The following YARS1 variants were observed in gnomAD, a reference collection of about 807,000 sequenced individuals.
The protein encoded by YARS1 is tyrosine--tRNA ligase, cytoplasmic.
In YARS1, 36 loss-of-function variants were observed where a neutral mutation model predicts 62.2. The observed-to-expected ratio is 0.58, with a 90% CI of 0.44 to 0.76. The LOEUF is 0.76. Ranked by LOEUF, YARS1 falls within the 30% of genes least tolerant of loss-of-function variation. The probability of loss-of-function intolerance (pLI) is 0.00; values close to 1 mark genes in which losing one functional copy is unlikely to be tolerated. For synonymous variants in YARS1, 234 were observed against 244.9 expected (o/e 0.96, Z 0.42); for missense variants, 524 against 639.8 (o/e 0.82, Z 1.95).
At chr1:32,784,826 G>A (rs1208689637) in intron 8 of YARS1, among the ~76,000 whole-genome samples, 2 of 152,126 alleles carry the variant, frequency 1.3e-5, no homozygotes, top group African/African-American at 2.4e-5. Context: ...CTACTGGACT[G>A]AGCATTAGGA....
chr1:32,784,715 C>T lies in YARS1; in HGVS notation c.906+1647G>A, dbSNP rs1332879919. 2.0e-5 allele frequency among the ~76,000 whole-genome samples: 3 copies of T among 152,186 alleles called. No individual in the cohort carries two copies. In the South Asian group the frequency reaches 6.2e-4, roughly 32 times the overall value. ...ATATATTCACATATATATTTTCACA[C>T]ATATATTCACATATATACACACATA... On this transcript the variant is annotated intron_variant, in intron 8 of 12. Coordinates refer to ENST00000373477, the MANE Select transcript of YARS1 (RefSeq NM_003680.4).
At chr1:32,816,976 G>C (rs988560476) in intron 1 of YARS1, 5 of 633,290 alleles carry the variant, frequency 7.9e-6, no homozygotes, top group South Asian at 7.4e-5. Context: ...ACAACTGGAC[G>C]CAAGAGGTGA....
At chr1:32,784,550 T>C (rs1653159637) in intron 8 of YARS1, among the ~76,000 whole-genome samples, 1 of 152,116 alleles carries the variant, frequency 6.6e-6, no homozygotes, top group African/African-American at 2.4e-5. Context: ...GTACAACTTA[T>C]TCCCTCACAG....
chr1:32,791,062 A>G, intron 6 of YARS1, 100 bp downstream of exon 6: 2 of 1,120,808 alleles, frequency 1.8e-6, no homozygotes, highest in South Asian at 2.5e-5. Flanking sequence ...TAACTCAAAT[A>G]TTGGAGAATT....
intron 6 of YARS1, among the ~76,000 whole-genome samples, chr1:32,789,883 C>A (rs1427566006): frequency 6.7e-6 from 1 of 149,130 alleles, no homozygotes; most frequent in Admixed American, 6.7e-5. Flanking sequence ...AGCCACTGTG[C>A]CTGGCCCTTT....
rs754708654 is a variant in YARS1 at position 32,811,015 on chromosome 1, G to A, written c.100C>T (p.Arg34Trp). 8.1e-6 allele frequency: 13 copies of A among 1,614,070 alleles called. No homozygotes were observed. The highest frequency in any genetic ancestry group is 3.3e-5 in the South Asian group (3 of 91,074). Reference sequence around the variant, plus strand: ...GTTCCCCAGTAAATTTTAAGTTCCCGCTCCTTCAGTATCTCCTTCAGCTTC... The same window carrying A: ...GTTCCCCAGTAAATTTTAAGTTCCCACTCCTTCAGTATCTCCTTCAGCTTC... ...EEKLKEILKE[R>W]ELKIYWGTAT... The change falls in exon 2 of 13, where the codon CGG becomes TGG. Residue 34 changes from arginine (R) to tryptophan (W), a missense_variant. Arg to Trp is a moderately radical substitution (Grantham distance 101). Transcript: ENST00000373477.
In YARS1 at chr1:32,782,301, C is replaced by T. The variant is rs1653085258; in HGVS notation, c.1042+103G>A. On this transcript the variant is annotated intron_variant, in intron 9 of 12. Coordinates refer to ENST00000373477, the MANE Select transcript of YARS1 (RefSeq NM_003680.4). ...GGACATGACATTCCTGCACTTCAGA[C>T]CCCCTGGGTTGTTGTGCCCTCAATT... The T allele has an allele frequency of 1.9e-6, 3 of 1,592,722 alleles. No homozygotes were observed. In the African/African-American group the frequency reaches 4.0e-5, roughly 21 times the overall value.
chr1:32,787,051 G>C lies in YARS1; in HGVS notation c.709C>G (p.Arg237Gly), dbSNP rs1385295171. ...EEESKIDLLDRKEDVKKKLKK... is the reference protein window; with the variant it reads ...EEESKIDLLDGKEDVKKKLKK... ...AGTTTTTTCTTCACATCCTCCTTCC[G>C]ATCAAGGAGATCAATCTTGGACTCC... The change falls in exon 7 of 13, where the codon CGG (arginine) becomes GGG (glycine). Residue 237 changes from arginine to glycine, a missense_variant. Arg to Gly is a moderately radical substitution (Grantham distance 125). Transcript: ENST00000373477. The C allele has an allele frequency of 1.9e-6, 3 of 1,614,126 alleles. No individual in the cohort carries two copies. Among genetic ancestry groups the C allele is most frequent in the Non-Finnish European group, 2.5e-6 (3 of 1,180,018 alleles).
chr1:32,808,760 C>G (rs1486959537), intron 3 of YARS1, among the ~76,000 whole-genome samples: 1 of 152,214 alleles, frequency 6.6e-6, no homozygotes, highest in African/African-American at 2.4e-5. Context: ...GCTTCCCTAA[C>G]CAACTCATTC....
In YARS1 at chr1:32,775,976, G is replaced by T. The variant is rs1452443769; in HGVS notation, c.*5C>A. 1.2e-6 allele frequency: 2 copies of T among 1,609,632 alleles called. No homozygotes were observed. The highest frequency in any genetic ancestry group is 2.2e-5 in the East Asian group (1 of 44,860). On this transcript the variant is annotated 3_prime_UTR_variant, in exon 13 of 13. Coordinates refer to ENST00000373477, the MANE Select transcript of YARS1 (RefSeq NM_003680.4). Reference sequence around the variant, plus strand: ...GTGGAAGAAGGGGGGAAGATGCTGGGCTGGCTAGCTAATGTTCCCCCCTTT... The same window carrying T: ...GTGGAAGAAGGGGGGAAGATGCTGGTCTGGCTAGCTAATGTTCCCCCCTTT...
intron 1 of YARS1, among the ~76,000 whole-genome samples, chr1:32,815,370 A>G (rs1463668618): frequency 6.6e-6 from 1 of 152,132 alleles, no homozygotes; most frequent in Non-Finnish European, 1.5e-5. Flanking sequence ...TCCCCAAAAC[A>G]AAAAACCCAA....
At chr1:32,790,181 C>CTTTTTTTTTTTTTT (rs750131866) in intron 6 of YARS1, among the ~76,000 whole-genome samples, 3 of 115,386 alleles carry the variant, frequency 2.6e-5, no homozygotes, top group Admixed American at 1.8e-4. Context: ...CCACGCAGGC[C>CTTTTTTTTTTTTTT]TTTTTTTTTT....
At chr1:32,785,890 C>T (rs74319398) in intron 8 of YARS1, among the ~76,000 whole-genome samples, 47 of 146,436 alleles carry the variant, frequency 3.2e-4, no homozygotes, top group South Asian at 4.4e-4. Context: ...AGCCCATTTT[C>T]TTTTTTTTTT....
chr1:32,801,761 T>G (rs1160427619), intron 4 of YARS1, among the ~76,000 whole-genome samples: 4 of 152,170 alleles, frequency 2.6e-5, no homozygotes, highest in Non-Finnish European at 5.9e-5. Context: ...ATATTCAAAA[T>G]CTTTTGTTGC....
At chr1:32,787,622 G>A (rs574398058) in intron 6 of YARS1, among the ~76,000 whole-genome samples, 7 of 151,138 alleles carry the variant, frequency 4.6e-5, no homozygotes, top group African/African-American at 1.7e-4. Flanking sequence ...CCATTCTCCC[G>A]CCTCAGCCTC....
chr1:32,784,008 C>CTTTT, intron 8 of YARS1, among the ~76,000 whole-genome samples: 1 of 142,070 alleles, frequency 7.0e-6, no homozygotes. Context: ...CCACAAAAGA[C>CTTTT]TTTTTTTTTT....
At chr1:32,784,007 A>C (rs1451765488) in intron 8 of YARS1, among the ~76,000 whole-genome samples, 1 of 145,866 alleles carries the variant, frequency 6.9e-6, no homozygotes, top group African/African-American at 2.5e-5. Flanking sequence ...CCCACAAAAG[A>C]CTTTTTTTTT....
chr1:32,783,194 A>G (rs1653116127), intron 8 of YARS1: 1 of 153,658 alleles, frequency 6.5e-6, no homozygotes, highest in Non-Finnish European at 1.4e-5. Flanking sequence ...AGCTAACAAC[A>G]GCTATATCTC....
At chr1:32,795,224 C>T (rs955838429) in intron 5 of YARS1, among the ~76,000 whole-genome samples, 1 of 151,460 alleles carries the variant, frequency 6.6e-6, no homozygotes, top group Non-Finnish European at 1.5e-5. Flanking sequence ...GAAGCTGAGG[C>T]AGGAGAATGG....
Sources: gnomAD v4.1 joint callset for allele counts (sites outside exome capture counted in the v4.1 genomes callset) on GRCh38, gnomAD v4.1.1 for gene constraint, MANE v1.5 for transcripts, NCBI Gene and HGNC (gene_info 2026-07-23, HGNC 2026-07-21) for gene names.